The following C1orf198 variants were observed in gnomAD, a reference collection of about 807,000 sequenced individuals.
The protein encoded by C1orf198 is chromosome 1 open reading frame 198.
In C1orf198, 17 loss-of-function variants were observed where a neutral mutation model predicts 31.4. That is an observed-to-expected ratio of 0.54 (90% confidence interval 0.37 to 0.81). The LOEUF is 0.81. Ranked by LOEUF, C1orf198 falls within the 40% of genes least tolerant of loss-of-function variation. C1orf198 has a pLI of 0.00. For synonymous variants in C1orf198, 175 were observed against 193.8 expected (o/e 0.90, Z 0.81); for missense variants, 401 against 450.3 (o/e 0.89, Z 0.99).
At chr1:230,856,135 T>C (rs1366326406) in intron 1 of C1orf198, 1 of 264,418 alleles carries the variant, frequency 3.8e-6, no homozygotes, top group Non-Finnish European at 5.9e-6. Flanking sequence ...AAAAGCAAAA[T>C]GATACTTCCC....
Position 230,861,147 on chromosome 1 carries a change from G to A in C1orf198, c.334-5429C>T, listed in dbSNP as rs115719563. 3.9e-3 allele frequency among the ~76,000 whole-genome samples: 587 copies of A among 152,270 alleles called. 6 individuals carry two copies. Among genetic ancestry groups the A allele is most frequent in the African/African-American group, 0.013 (550 of 41,546 alleles). On this transcript the variant is annotated intron_variant, in intron 1 of 3. Coordinates refer to ENST00000366663, the MANE Select transcript of C1orf198 (RefSeq NM_032800.3). ...CCCCTCTGTATGATACCATCATGGC[G>A]TATACCTCCAAGAGCGACCCCTAGT...
At chr1:230,853,422 A>G (rs1320130869) in intron 2 of C1orf198, among the ~76,000 whole-genome samples, 1 of 152,010 alleles carries the variant, frequency 6.6e-6, no homozygotes, top group Non-Finnish European at 1.5e-5. Context: ...AGTTTGGCAA[A>G]TCTCTTCAAG....
chr1:230,864,942 T>C (rs933697788), intron 1 of C1orf198, among the ~76,000 whole-genome samples: 1 of 151,994 alleles, frequency 6.6e-6, no homozygotes, highest in Non-Finnish European at 1.5e-5. Context: ...AAATAAAAAC[T>C]TTTCCCCTCC....
intron 1 of C1orf198, among the ~76,000 whole-genome samples, chr1:230,858,855 T>G (rs551918960): frequency 6.6e-6 from 1 of 152,216 alleles, no homozygotes; most frequent in African/African-American, 2.4e-5. Context: ...AACGAAGACT[T>G]AGCCCAGAGC....
At chr1:230,851,872 A>G (rs2102982985) in intron 2 of C1orf198, among the ~76,000 whole-genome samples, 1 of 152,354 alleles carries the variant, frequency 6.6e-6, no homozygotes, top group East Asian at 1.9e-4. Context: ...GCACAACCGC[A>G]GCTCATTCTG....
At position 230,843,471 on chromosome 1, in the gene C1orf198, G is replaced by A; in HGVS notation, c.810C>T (p.Ala270=). ...TERERPQPVQ[A]FSSALHEAAP... Reference sequence around the variant, plus strand: ...CAGCCTCGTGCAGTGCACTGCTGAAGGCCTGGACAGGCTGGGGTCTCTCAC... The same window carrying A: ...CAGCCTCGTGCAGTGCACTGCTGAAAGCCTGGACAGGCTGGGGTCTCTCAC... The change falls in exon 3 of 4, where the codon GCC becomes GCT. Residue 270 remains alanine, a synonymous_variant. Coordinates refer to ENST00000366663, the MANE Select transcript of C1orf198 (RefSeq NM_032800.3). The surrounding 1 kb of genome is among the most constrained non-coding windows in gnomAD (Gnocchi z 4.9). The A allele has an allele frequency of 6.2e-7, 1 of 1,610,958 alleles. No homozygotes were observed. Among genetic ancestry groups the A allele is most frequent in the East Asian group, 2.2e-5 (1 of 44,758 alleles).
At chr1:230,867,830 T>C (rs148216259) in intron 1 of C1orf198, among the ~76,000 whole-genome samples, 1 of 152,326 alleles carries the variant, frequency 6.6e-6, no homozygotes, top group East Asian at 1.9e-4. Context: ...AGAGCTGGAT[T>C]AAAACCCAGG....
At chr1:230,846,972 G>A (rs1234339440) in intron 2 of C1orf198, among the ~76,000 whole-genome samples, 4 of 151,552 alleles carry the variant, frequency 2.6e-5, no homozygotes, top group Non-Finnish European at 5.9e-5. Flanking sequence ...GCGCGGTGGC[G>A]GGCGCCTGTA....
intron 1 of C1orf198, 75 bp downstream of exon 1, chr1:230,868,105 G>A (rs11122619): frequency 4.7e-6 from 6 of 1,265,514 alleles, no homozygotes; most frequent in Non-Finnish European, 6.0e-6. Flanking sequence ...GCCTCACGCC[G>A]GCAGGTGCCC....
chr1:230,858,706 G>T (rs1437374942), intron 1 of C1orf198, among the ~76,000 whole-genome samples: 4 of 152,232 alleles, frequency 2.6e-5, no homozygotes, highest in South Asian at 2.1e-4. Flanking sequence ...CCAGGGTGGG[G>T]CATGATGGAG....
At position 230,843,585 on chromosome 1, in the gene C1orf198, T is replaced by C; in HGVS notation, c.696A>G (p.Glu232=). ...EKVLPPCYRQ[E]PAPKDREAKV... ...TGGCCTCCCTGTCCTTCGGGGCAGG[T>C]TCCTGCCGGTAGCAGGGAGGCAAGA... The change falls in exon 3 of 4, where the codon GAA becomes GAG. Residue 232 remains glutamate (E), a synonymous_variant. Coordinates refer to ENST00000366663, the MANE Select transcript of C1orf198 (RefSeq NM_032800.3). This position sits in a 1 kb window ranked among gnomAD's most constrained non-coding sequence, Gnocchi z 4.9. 2 of 1,614,204 alleles carry C rather than the reference T, an allele frequency of 1.2e-6. No homozygotes were observed. Among genetic ancestry groups the C allele is most frequent in the Non-Finnish European group, 1.7e-6 (2 of 1,180,012 alleles).
intron 2 of C1orf198, among the ~76,000 whole-genome samples, chr1:230,846,832 G>A (rs1256497494): frequency 2.6e-5 from 4 of 152,278 alleles, no homozygotes; most frequent in South Asian, 2.1e-4. Context: ...GGCCGGGCGC[G>A]GTGGCTCACG....
At chr1:230,844,903 CA>C (rs1244345081) in intron 2 of C1orf198, among the ~76,000 whole-genome samples, 1 of 152,182 alleles carries the variant, frequency 6.6e-6, no homozygotes, top group Non-Finnish European at 1.5e-5. Flanking sequence ...CTGTTTTGAC[CA>C]ACAAAATCAT....
chr1:230,865,367 C>T (rs1229167759), intron 1 of C1orf198, among the ~76,000 whole-genome samples: 2 of 152,198 alleles, frequency 1.3e-5, no homozygotes, highest in African/African-American at 4.8e-5. Context: ...TAGGTTGAAG[C>T]TATACTTCCA....
intron 1 of C1orf198, among the ~76,000 whole-genome samples, chr1:230,858,554 G>A (rs1175415603): frequency 6.6e-6 from 1 of 152,178 alleles, no homozygotes; most frequent in African/African-American, 2.4e-5. Flanking sequence ...TCCAGCTTTG[G>A]ATCTTTCGAA....
At position 230,847,385 on chromosome 1, in the gene C1orf198, T is replaced by C. The variant is rs116472481; in HGVS notation, c.385-3489A>G. Among the ~76,000 whole-genome samples, 940 of 152,334 alleles carry C rather than the reference T, an allele frequency of 6.2e-3. 6 individuals carry two copies. Among genetic ancestry groups the C allele is most frequent in the South Asian group, 0.02 (96 of 4,830 alleles). On this transcript the variant is annotated intron_variant, in intron 2 of 3. Transcript: ENST00000366663. ...CCTGATGTATCAGGACTGTTGTTTC[T>C]AAATTATTATTATTTTCATTCTACA...
At chr1:230,855,041 G>A (rs2102986169) in intron 2 of C1orf198, among the ~76,000 whole-genome samples, 1 of 152,152 alleles carries the variant, frequency 6.6e-6, no homozygotes, top group East Asian at 1.9e-4. Context: ...TCTGTCCCTT[G>A]GGTTAAAGAC....
intron 1 of C1orf198, chr1:230,856,121 T>A: frequency 2.7e-6 from 1 of 376,604 alleles, no homozygotes; most frequent in Non-Finnish European, 3.7e-6. Context: ...GTTTTCTCAT[T>A]TGTAAAAGCA....
At chr1:230,866,619 G>A (rs1670124896) in intron 1 of C1orf198, among the ~76,000 whole-genome samples, 1 of 152,030 alleles carries the variant, frequency 6.6e-6, no homozygotes, top group South Asian at 2.1e-4. Flanking sequence ...ATTCTTAGCT[G>A]GACACCAAGC....
Sources: allele counts gnomAD v4.1 joint callset (sites outside exome capture counted in the v4.1 genomes callset), GRCh38; gene constraint gnomAD v4.1.1; non-coding constraint Gnocchi (gnomAD v3.1); transcripts MANE v1.5; gene names NCBI Gene and HGNC (gene_info 2026-07-23, HGNC 2026-07-21).